Variants in CDK14 observed in about 807,000 individuals in gnomAD.
The protein encoded by CDK14 is cyclin-dependent kinase 14.
In CDK14, 34 loss-of-function variants were observed where a neutral mutation model predicts 60.7. The ratio of observed to expected loss-of-function variants is 0.56; its 90% CI spans 0.43 to 0.75. The LOEUF (loss-of-function observed/expected upper bound fraction) is 0.75. CDK14 is among the 30% of genes least tolerant of loss of function. The pLI, the probability that CDK14 is intolerant of heterozygous loss-of-function variation, is 0.00. For synonymous variants in CDK14, 197 were observed against 203.7 expected, an observed-to-expected ratio of 0.97 and a Z score of 0.28; for missense variants, 482 against 564.1, an observed-to-expected ratio of 0.85 and a Z score of 1.47.
At chr7:90,914,025 C>T (rs190354782) in intron 7 of CDK14, among the ~76,000 whole-genome samples, 1 of 152,116 alleles carries the variant, frequency 6.6e-6, no homozygotes, top group Admixed American at 6.6e-5. Context: ...GAAGGTTGAT[C>T]GTCCCCTTGC....
At chr7:91,040,668 G>A (rs1302546502) in intron 10 of CDK14, among the ~76,000 whole-genome samples, 1 of 152,178 alleles carries the variant, frequency 6.6e-6, no homozygotes, top group African/African-American at 2.4e-5. Context: ...CAACTTGTGT[G>A]AGCCAGTTTT....
intron 2 of CDK14, among the ~76,000 whole-genome samples, chr7:90,646,196 A>G (rs558432028): frequency 6.6e-6 from 1 of 152,184 alleles, no homozygotes; most frequent in Non-Finnish European, 1.5e-5. Context: ...GAGGATGTTC[A>G]TCTTATGGAA....
At chr7:90,806,927 C>T (rs1395694550) in intron 5 of CDK14, among the ~76,000 whole-genome samples, 1 of 152,204 alleles carries the variant, frequency 6.6e-6, no homozygotes, top group African/African-American at 2.4e-5. Flanking sequence ...GGGAGGGGCA[C>T]CCGCCATTGC....
intron 11 of CDK14, among the ~76,000 whole-genome samples, chr7:91,053,809 G>C (rs918511890): frequency 1.3e-5 from 2 of 152,158 alleles, no homozygotes; most frequent in Non-Finnish European, 2.9e-5. Context: ...AAGACTGCGG[G>C]GGGGCTCTTT....
At chr7:91,038,011 C>T (rs1028178695) in intron 10 of CDK14, among the ~76,000 whole-genome samples, 1 of 152,186 alleles carries the variant, frequency 6.6e-6, no homozygotes, top group African/African-American at 2.4e-5. Flanking sequence ...CAGCCTCTGG[C>T]AGAAGCTGAG....
At chr7:90,760,777 A>G (rs777014353) in intron 4 of CDK14, among the ~76,000 whole-genome samples, 1 of 152,228 alleles carries the variant, frequency 6.6e-6, no homozygotes, top group African/African-American at 2.4e-5. Context: ...AACTGAGGGA[A>G]GAAAAGCTAA....
At chr7:90,727,090 G>A (rs1486143320) in intron 3 of CDK14, among the ~76,000 whole-genome samples, 1 of 152,160 alleles carries the variant, frequency 6.6e-6, no homozygotes, top group East Asian at 1.9e-4. Context: ...ATAATTAAAA[G>A]TCTTTTGTAT....
intron 10 of CDK14, among the ~76,000 whole-genome samples, chr7:91,008,096 C>G (rs950107852): frequency 2.1e-4 from 27 of 126,608 alleles, no homozygotes; most frequent in African/African-American, 6.9e-4. Context: ...TACAGGGTGC[C>G]TAGAAATGGG....
intron 2 of CDK14, chr7:90,692,671 G>A (rs1439218308): frequency 1.0e-6 from 1 of 980,098 alleles, no homozygotes; most frequent in East Asian, 1.1e-4. Context: ...CCTGTTCTCT[G>A]CTTCCTGCCC....
At chr7:91,081,071 C>CTT (rs1334602118) in intron 12 of CDK14, among the ~76,000 whole-genome samples, 1 of 152,100 alleles carries the variant, frequency 6.6e-6, no homozygotes, top group Non-Finnish European at 1.5e-5. Flanking sequence ...TTCAGAAACA[C>CTT]TAAGTAATAA....
intron 2 of CDK14, among the ~76,000 whole-genome samples, chr7:90,690,706 G>T (rs973588599): frequency 1.7e-4 from 26 of 150,050 alleles, no homozygotes; most frequent in Non-Finnish European, 5.9e-5. Context: ...CCCTTTAGCT[G>T]TGTGTCATTT....
chr7:90,740,284 GAGAGAGAA>G (rs1803292690), intron 3 of CDK14, among the ~76,000 whole-genome samples: 1 of 151,544 alleles, frequency 6.6e-6, no homozygotes, highest in South Asian at 2.1e-4. Context: ...GAGAGAGAGA[GAGAGAGAA>G]AGAAAGAAAG....
chr7:90,709,580 C>T (rs201256227), intron 2 of CDK14: 60 of 1,612,934 alleles, frequency 3.7e-5, no homozygotes, highest in Non-Finnish European at 4.6e-5. Flanking sequence ...CTGCAGAGCC[C>T]GGTTACTCTG....
At chr7:90,944,012 G>A (rs1393973575) in intron 8 of CDK14, among the ~76,000 whole-genome samples, 2 of 152,122 alleles carry the variant, frequency 1.3e-5, no homozygotes, top group Non-Finnish European at 2.9e-5. Flanking sequence ...TCAGGGAACT[G>A]GAATAGTTAC....
At chr7:91,205,077 C>A (rs1250237567) in intron 14 of CDK14, among the ~76,000 whole-genome samples, 1 of 152,094 alleles carries the variant, frequency 6.6e-6, no homozygotes, top group Non-Finnish European at 1.5e-5. Flanking sequence ...AACCCTTGTG[C>A]ATTGCTGGTG....
At chr7:91,100,979 G>T (rs1360118360) in intron 12 of CDK14, among the ~76,000 whole-genome samples, 1 of 152,144 alleles carries the variant, frequency 6.6e-6, no homozygotes, top group Non-Finnish European at 1.5e-5. Flanking sequence ...GATCTGATGG[G>T]GAGACCTAGC....
At position 91,118,085 on chromosome 7, in the gene CDK14, C is replaced by G. The variant is rs768328515; in HGVS notation, c.1315C>G (p.Pro439Ala). The G allele has an allele frequency of 6.2e-7, 1 of 1,610,664 alleles. No homozygotes were observed. Among genetic ancestry groups the G allele is most frequent in the Non-Finnish European group, 8.5e-7 (1 of 1,177,350 alleles). Reference protein sequence around the residue: ...LTDMSSIFTVPNVRLQPEAGE... With the variant: ...LTDMSSIFTVANVRLQPEAGE... ...CACAGTGTCTTCTATTTTTACTGTC[C>G]CAAATGTGAGATTGCAACCAGAAGC... The change falls in exon 14 of 15, where the codon CCA becomes GCA. Residue 439 changes from proline to alanine, a missense_variant. Coordinates refer to ENST00000380050, the MANE Select transcript of CDK14 (RefSeq NM_001287135.2).
chr7:90,929,986 A>G (rs550445204), intron 8 of CDK14, among the ~76,000 whole-genome samples: 1 of 152,216 alleles, frequency 6.6e-6, no homozygotes, highest in East Asian at 1.9e-4. Flanking sequence ...AGAAATCTAC[A>G]TGTAAAATGG....
chr7:90,634,234 A>G (rs1301042080), intron 2 of CDK14, among the ~76,000 whole-genome samples: 1 of 150,362 alleles, frequency 6.7e-6, no homozygotes, highest in African/African-American at 2.4e-5. Flanking sequence ...TGCTGCACCC[A>G]TTAACTCATC....
Sources: gnomAD v4.1 joint callset for allele counts (sites outside exome capture counted in the v4.1 genomes callset) on GRCh38, gnomAD v4.1.1 for gene constraint, MANE v1.5 for transcripts, NCBI Gene and HGNC (gene_info 2026-07-23, HGNC 2026-07-21) for gene names.